PLCXD3: variants seen among roughly 807,000 people sequenced by gnomAD.
PLCXD3 encodes the protein phosphatidylinositol specific phospholipase C X domain containing 3.
A neutral mutation model predicts 25.5 loss-of-function variants in PLCXD3; 19 were observed. The observed-to-expected ratio is 0.75, with a 90% CI of 0.52 to 1.09. The LOEUF (loss-of-function observed/expected upper bound fraction) is 1.09. Among genes scored for constraint, PLCXD3 ranks in the 50% least tolerant of loss-of-function variants. The pLI, the probability that PLCXD3 is intolerant of heterozygous loss-of-function variation, is 0.00. For missense variants in PLCXD3, 411 were observed against 388.1 expected (o/e 1.06, Z -0.50); for synonymous variants, 174 against 137.6 (o/e 1.26, Z -1.85).
chr5:41,316,927 A>G (rs1030595070), intron 2 of PLCXD3, among the ~76,000 whole-genome samples: 5 of 152,090 alleles, frequency 3.3e-5, no homozygotes, highest in African/African-American at 1.2e-4. Flanking sequence ...GGCTTGGGGG[A>G]CCTTGCCATC....
intron 2 of PLCXD3, among the ~76,000 whole-genome samples, chr5:41,355,298 G>C (rs1744586789): frequency 6.6e-6 from 1 of 152,164 alleles, no homozygotes; most frequent in Non-Finnish European, 1.5e-5. Context: ...TCTGTCTTTG[G>C]AGATCATAAA....
intron 1 of PLCXD3, among the ~76,000 whole-genome samples, chr5:41,427,289 C>T (rs780444666): frequency 1.2e-4 from 19 of 152,124 alleles, no homozygotes; most frequent in Non-Finnish European, 2.2e-4. Flanking sequence ...CCCTTTCCCT[C>T]AGAGTTAGAG....
intron 1 of PLCXD3, among the ~76,000 whole-genome samples, chr5:41,430,504 G>T (rs940307457): frequency 1.3e-5 from 2 of 152,124 alleles, no homozygotes; most frequent in African/African-American, 4.8e-5. Context: ...TGAGATCAGG[G>T]CTTAATGAGG....
At chr5:41,338,685 T>A (rs1310816354) in intron 2 of PLCXD3, among the ~76,000 whole-genome samples, 2 of 152,120 alleles carry the variant, frequency 1.3e-5, no homozygotes, top group Non-Finnish European at 2.9e-5. Flanking sequence ...GTAAAACAAG[T>A]CTATTCCTCT....
chr5:41,399,649 A>G (rs1746118946), intron 1 of PLCXD3, among the ~76,000 whole-genome samples: 1 of 152,168 alleles, frequency 6.6e-6, no homozygotes, highest in Non-Finnish European at 1.5e-5. Flanking sequence ...CATATGCAGA[A>G]AAATGAAACT....
At chr5:41,475,380 A>G (rs1198989643) in intron 1 of PLCXD3, among the ~76,000 whole-genome samples, 1 of 152,022 alleles carries the variant, frequency 6.6e-6, no homozygotes, top group Non-Finnish European at 1.5e-5. Flanking sequence ...TGTCCCTGCA[A>G]GTTTCTGCTG....
chr5:41,428,237 TA>T (rs1460058921), intron 1 of PLCXD3, among the ~76,000 whole-genome samples: 1 of 152,130 alleles, frequency 6.6e-6, no homozygotes. Context: ...AGACATGTAT[TA>T]AAAATATTAT....
chr5:41,401,974 TTTTC>T (rs1213965293), intron 1 of PLCXD3, among the ~76,000 whole-genome samples: 7 of 151,944 alleles, frequency 4.6e-5, no homozygotes, highest in Admixed American at 2.0e-4. Context: ...TGGTTAATAT[TTTTC>T]TTTCTTTCAT....
At chr5:41,468,353 A>G (rs765983840) in intron 1 of PLCXD3, among the ~76,000 whole-genome samples, 1 of 152,064 alleles carries the variant, frequency 6.6e-6, no homozygotes, top group Non-Finnish European at 1.5e-5. Context: ...TGGTTTGGCT[A>G]TATGGGTTTT....
rs1002924971 is a variant in PLCXD3 at position 41,313,373 on chromosome 5, C to CT, written c.*243dup. ...AATTTTGAAAAACAAAGTTACTGGT[C>CT]TTTTTTTTTTATTCCTAACACTAGA... On this transcript the variant is annotated 3_prime_UTR_variant, in exon 3 of 3. Transcript: ENST00000377801. 4,727 of 393,348 alleles carry CT rather than the reference C, an allele frequency of 0.012. No homozygotes were observed. Among genetic ancestry groups the CT allele is most frequent in the Middle Eastern group, 0.018 (25 of 1,412 alleles). The allele number at this position is 393,348 out of a possible 1,614,324, so 24.4% of individuals were successfully genotyped here.
intron 1 of PLCXD3, among the ~76,000 whole-genome samples, chr5:41,424,839 T>C (rs1257185492): frequency 6.6e-6 from 1 of 152,188 alleles, no homozygotes; most frequent in African/African-American, 2.4e-5. Context: ...AGTGTCTTGA[T>C]TTGGGGAAGC....
At chr5:41,317,083 C>CCAGCA (rs1328510176) in intron 2 of PLCXD3, among the ~76,000 whole-genome samples, 4 of 152,188 alleles carry the variant, frequency 2.6e-5, no homozygotes, top group Non-Finnish European at 5.9e-5. Context: ...CAGGTGTGAC[C>CCAGCA]CAGCACAGCA....
intron 1 of PLCXD3, among the ~76,000 whole-genome samples, chr5:41,472,774 C>T (rs1188476196): frequency 1.3e-5 from 2 of 152,122 alleles, no homozygotes; most frequent in African/African-American, 2.4e-5. Context: ...CTAAATTGCT[C>T]AATACTCAGG....
Position 41,345,181 on chromosome 5 carries a change from A to T in PLCXD3, c.813-31411T>A, listed in dbSNP as rs1744264562. Among the ~76,000 whole-genome samples, 5 of 152,352 alleles carry T rather than the reference A, an allele frequency of 3.3e-5. No individual in the cohort carries two copies. In the South Asian group the frequency reaches 1.0e-3, roughly 32 times the overall value. ...TGTCCAAATAATATGATCTCTGCAGACTTGGGCTTTCCTTGAGATTTTTCC... is the reference window on the plus strand; with the variant it reads ...TGTCCAAATAATATGATCTCTGCAGTCTTGGGCTTTCCTTGAGATTTTTCC... On this transcript the variant is annotated intron_variant, in intron 2 of 2. Coordinates refer to ENST00000377801, the MANE Select transcript of PLCXD3 (RefSeq NM_001005473.3).
intron 2 of PLCXD3, among the ~76,000 whole-genome samples, chr5:41,355,268 T>C (rs531985693): frequency 1.3e-5 from 2 of 152,322 alleles, no homozygotes; most frequent in South Asian, 4.1e-4. Flanking sequence ...TCTGATGGAT[T>C]ATGGAATGTG....
chr5:41,510,554 T>C lies in PLCXD3; in HGVS notation c.-28A>G. ...TGCCAGTCGGCGTGCAGCGCGCTGG[T>C]CCCAGCACTCCTCGGGCAGGCTGGC... On this transcript the variant is annotated 5_prime_UTR_variant, in exon 1 of 3. Coordinates refer to ENST00000377801, the MANE Select transcript of PLCXD3 (RefSeq NM_001005473.3). 1 of 1,579,744 alleles carries C rather than the reference T, an allele frequency of 6.3e-7. No homozygotes were observed. The highest frequency in any genetic ancestry group is 8.7e-7 in the Non-Finnish European group (1 of 1,151,834).
intron 1 of PLCXD3, among the ~76,000 whole-genome samples, chr5:41,393,391 G>A (rs950985514): frequency 2.0e-5 from 3 of 152,086 alleles, no homozygotes; most frequent in Admixed American, 6.6e-5. Flanking sequence ...AACTTCATGG[G>A]CCAGGAGAAA....
intron 2 of PLCXD3, among the ~76,000 whole-genome samples, chr5:41,358,116 C>T (rs1018805631): frequency 6.6e-6 from 1 of 152,082 alleles, no homozygotes; most frequent in African/African-American, 2.4e-5. Flanking sequence ...AGCTAAAAAC[C>T]TTGTATGATT....
chr5:41,433,755 C>T (rs1183420635), intron 1 of PLCXD3, among the ~76,000 whole-genome samples: 6 of 152,226 alleles, frequency 3.9e-5, no homozygotes, highest in Non-Finnish European at 8.8e-5. Context: ...CTAAACAGCG[C>T]CCTCACAGGA....
Sources: allele counts gnomAD v4.1 joint callset (sites outside exome capture counted in the v4.1 genomes callset), GRCh38; gene constraint gnomAD v4.1.1; transcripts MANE v1.5; gene names NCBI Gene and HGNC (gene_info 2026-07-23, HGNC 2026-07-21).